Variants in EP400 observed in about 807,000 individuals in gnomAD.
The protein encoded by EP400 is E1A-binding protein p400.
Under a neutral mutation model 354.1 loss-of-function variants are expected in EP400, and 105 were observed. That is an observed-to-expected ratio of 0.30 (90% CI 0.25 to 0.35). The LOEUF is 0.35. Among genes scored for constraint, EP400 ranks in the 10% least tolerant of loss-of-function variants. The pLI is 1.00. For missense variants in EP400, 3,280 were observed against 4,121.0 expected, an observed-to-expected ratio of 0.80 and a Z score of 5.59; for synonymous variants, 1,646 against 1,716.9, an observed-to-expected ratio of 0.96 and a Z score of 1.02.
rs916759408 is a variant in EP400 at position 132,043,361 on chromosome 12, G to A, written c.6265G>A (p.Val2089Met). 11 of 1,613,974 alleles carry A rather than the reference G, an allele frequency of 6.8e-6. No individual in the cohort carries two copies. The African/African-American group carries it at 1.5e-4, about 22-fold the overall frequency. ...EDAQKSAQEG[V>M]LGPHTDALSS... Reference sequence around the variant, plus strand: ...TGCCCAGAAGTCCGCACAGGAGGGGGTGCTGGGACCACACACTGATGCTCT... The same window carrying A: ...TGCCCAGAAGTCCGCACAGGAGGGGATGCTGGGACCACACACTGATGCTCT... Residue 2089 changes from valine (V) to methionine (M), a missense_variant, in exon 33 of 53, where the codon GTG becomes ATG. Around this residue, in one of 20 missense-constraint regions of EP400, gnomAD observed 54 missense variants for 41.3 expected, o/e 1.31. Transcript: ENST00000389561.
In EP400 at chr12:131,982,159, A is replaced by G. The variant is rs1206096816; in HGVS notation, c.1610A>G (p.Asp537Gly). 6 of 1,601,544 alleles carry G rather than the reference A, an allele frequency of 3.7e-6. No individual in the cohort carries two copies. The highest frequency in any genetic ancestry group is 5.1e-6 in the Non-Finnish European group (6 of 1,171,480). ...CAGAGGCAGAGTCAGCAGCAGTATG[A>G]CCCCTCCACGGGGCCTCCCGTGCAG... is the stretch of plus-strand genomic sequence containing the variant. ...AGQRQSQQQY[D>G]PSTGPPVQNA... is the part of the protein sequence containing the mutation. The change falls in exon 5 of 53, where the codon GAC becomes GGC. Residue 537 changes from aspartate to glycine, a missense_variant. This residue lies in a region of EP400 where 800 missense variants were observed against 840.0 expected (regional missense o/e 0.95). Transcript: ENST00000389561.
rs369027468 is a variant in EP400, at chr12:132,025,051, CT to C, written c.4856-584del. On this transcript the variant is annotated intron_variant, in intron 24 of 52. Coordinates refer to ENST00000389561, the MANE Select transcript of EP400 (RefSeq NM_015409.5). This position sits in a 1 kb window ranked among gnomAD's most constrained non-coding sequence, Gnocchi z 4.1. ...GAAACGATTCAGTCTGGTTTACTTC[CT>C]TTTTTTTTTTCTTAAAACAAAACAA... Among the ~76,000 whole-genome samples, 348 of 147,534 alleles carry C rather than the reference CT, an allele frequency of 2.4e-3. 1 individual carries two copies. The highest frequency in any genetic ancestry group is 2.2e-3 in the African/African-American group (88 of 40,434).
At chr12:132,019,337 C>T (rs1019905893) in intron 21 of EP400, among the ~76,000 whole-genome samples, 54 of 152,270 alleles carry the variant, frequency 3.5e-4, no homozygotes, top group African/African-American at 1.3e-3. Flanking sequence ...ACCACACGCC[C>T]GGCCTAAAAA....
chr12:132,043,169 G>A (rs1049971621), intron 32 of EP400, 135 bp from the exon 33 acceptor site: 2 of 888,242 alleles, frequency 2.3e-6, no homozygotes, highest in East Asian at 5.6e-5. Context: ...CCTCAGGGAA[G>A]GAGTGGATTA....
At chr12:131,984,358 A>G (rs1199750307) in intron 5 of EP400, among the ~76,000 whole-genome samples, 2 of 152,170 alleles carry the variant, frequency 1.3e-5, no homozygotes, top group Non-Finnish European at 2.9e-5. Flanking sequence ...TTACCTGACA[A>G]CCTTATGAGG....
chr12:131,968,002 G>GT lies in EP400; in HGVS notation c.1335+6054dup, dbSNP rs1043673472. Reference sequence around the variant, plus strand: ...AAAATTCTTCACATAATATGGACATGTTTTTTGTCAGCTACATGTTTTGCA... The same window carrying GT: ...AAAATTCTTCACATAATATGGACATGTTTTTTTGTCAGCTACATGTTTTGCA... On this transcript the variant is annotated intron_variant, in intron 2 of 52. Transcript: ENST00000389561. 1.8e-4 allele frequency among the ~76,000 whole-genome samples: 27 copies of GT among 152,186 alleles called. No homozygotes were observed. The Middle Eastern group carries it at 0.031, about 173-fold the overall frequency.
chr12:131,977,384 C>T (rs943334611), intron 2 of EP400, among the ~76,000 whole-genome samples: 8 of 151,760 alleles, frequency 5.3e-5, no homozygotes, highest in Admixed American at 2.6e-4. Flanking sequence ...CCACCCACCT[C>T]GGCCTCCCAA....
chr12:131,974,387 A>G (rs1245761373), intron 2 of EP400, among the ~76,000 whole-genome samples: 1 of 152,156 alleles, frequency 6.6e-6, no homozygotes, highest in Non-Finnish European at 1.5e-5. Context: ...AAATGCTGGA[A>G]TTACAGGCAT....
chr12:132,065,974 A>T (rs1895877953), intron 48 of EP400: 1 of 152,218 alleles, frequency 6.6e-6, no homozygotes, highest in Middle Eastern at 3.2e-3. Flanking sequence ...AACATTTACA[A>T]AGTGATGAAT....
chr12:131,975,938 C>T lies in EP400; in HGVS notation c.1336-3756C>T, dbSNP rs79585627. On this transcript the variant is annotated intron_variant, in intron 2 of 52. Coordinates refer to ENST00000389561, the MANE Select transcript of EP400 (RefSeq NM_015409.5). ...CTGATTTTGAACTCCTGACCTCAAG[C>T]AGTCCTCTTGCCTTGACCTCCCAAA... Among the ~76,000 whole-genome samples, 170 of 152,236 alleles carry T rather than the reference C, an allele frequency of 1.1e-3. 5 individuals are homozygous for T. The East Asian group carries it at 0.03, about 27-fold the overall frequency.
chr12:131,958,691 G>C (rs1409020244), intron 1 of EP400, among the ~76,000 whole-genome samples: 3 of 152,010 alleles, frequency 2.0e-5, no homozygotes, highest in African/African-American at 7.2e-5. Context: ...GCTAATTTTT[G>C]TATTTTTCTT....
At chr12:132,003,313 A>C (rs533286868) in intron 12 of EP400, among the ~76,000 whole-genome samples, 1 of 152,302 alleles carries the variant, frequency 6.6e-6, no homozygotes, top group African/African-American at 2.4e-5. Flanking sequence ...TAGCATTCAC[A>C]TTGTATTAGG....
chr12:131,952,871 G>A (rs1222462635), intron 1 of EP400, among the ~76,000 whole-genome samples: 1 of 151,924 alleles, frequency 6.6e-6, no homozygotes, highest in East Asian at 1.9e-4. Context: ...TTTTTAATAA[G>A]GGTAACACAT....
In EP400 at chr12:132,006,177, A is replaced by T; in HGVS notation, c.3001A>T (p.Ile1001Phe). The T allele has an allele frequency of 6.2e-7, 1 of 1,614,190 alleles. No homozygotes were observed. The highest frequency in any genetic ancestry group is 8.5e-7 in the Non-Finnish European group (1 of 1,180,046). Residue 1001 changes from isoleucine to phenylalanine, a missense_variant, in exon 14 of 53, where the codon ATC becomes TTC. Physicochemically the swap from Ile to Phe is conservative, Grantham distance 21. Around this residue, in one of 20 missense-constraint regions of EP400, gnomAD observed 800 missense variants for 840.0 expected, o/e 0.95. Coordinates refer to ENST00000389561, the MANE Select transcript of EP400 (RefSeq NM_015409.5). ...KDLVLIDSLF[I>F]MDQFKAAERM... Reference sequence around the variant, plus strand: ...CTTGGTTCTCATCGACTCGCTTTTCATCATGGATCAGTTCAAAGCTGCCGA... The same window carrying T: ...CTTGGTTCTCATCGACTCGCTTTTCTTCATGGATCAGTTCAAAGCTGCCGA...
At position 132,013,633 on chromosome 12, in the gene EP400, A is replaced by G; in HGVS notation, c.3755A>G (p.Tyr1252Cys). ...LRAPSEESQD[Y>C]YHKVVIRLHR... ...GCCCCCAGTGAAGAGAGCCAGGATT[A>G]CTACCATAAAGTGGTCATAAGGTTA... Residue 1252 changes from tyrosine (Y) to cysteine (C), a missense_variant, in exon 18 of 53, where the codon TAC becomes TGC. By Grantham distance (194) the Tyr-to-Cys change is radical (BLOSUM62 -2). Around this residue, in one of 20 missense-constraint regions of EP400, gnomAD observed 242 missense variants for 357.9 expected, o/e 0.68. Transcript: ENST00000389561. This position sits in a 1 kb window ranked among gnomAD's most constrained non-coding sequence, Gnocchi z 4.5. 1 of 1,612,964 alleles carries G rather than the reference A, an allele frequency of 6.2e-7. No individual in the cohort carries two copies. The highest frequency in any genetic ancestry group is 8.5e-7 in the Non-Finnish European group (1 of 1,179,456).
chr12:132,051,290 C>T lies in EP400; in HGVS notation c.7394+635C>T, dbSNP rs149602432. Reference sequence around the variant, plus strand: ...TCTGTAGGCTCCAACCCTACAGGGTCGGTGGGTTTCTCCCCGTGTGCGGAG... The same window carrying T: ...TCTGTAGGCTCCAACCCTACAGGGTTGGTGGGTTTCTCCCCGTGTGCGGAG... On this transcript the variant is annotated intron_variant, in intron 41 of 52. Coordinates refer to ENST00000389561, the MANE Select transcript of EP400 (RefSeq NM_015409.5). Among the ~76,000 whole-genome samples, 339 of 152,192 alleles carry T rather than the reference C, an allele frequency of 2.2e-3. 4 individuals are homozygous for T. Among genetic ancestry groups the T allele is most frequent in the Non-Finnish European group, 2.8e-3 (193 of 67,996 alleles).
At chr12:132,022,812 C>T (rs1894164131) in intron 23 of EP400, among the ~76,000 whole-genome samples, 1 of 152,060 alleles carries the variant, frequency 6.6e-6, no homozygotes. Flanking sequence ...CCGTGGCTCA[C>T]ACCTGTAGGC....
chr12:132,049,700 A>G (rs1715864696), intron 39 of EP400, among the ~76,000 whole-genome samples: 1 of 152,210 alleles, frequency 6.6e-6, no homozygotes, highest in African/African-American at 2.4e-5. Context: ...TTGCACAGAC[A>G]GCATTCCTGG....
chr12:131,952,398 C>T (rs998076135), intron 1 of EP400, among the ~76,000 whole-genome samples: 6 of 151,708 alleles, frequency 4.0e-5, no homozygotes, highest in African/African-American at 4.8e-5. Flanking sequence ...CCACCCACTT[C>T]GGCCTCCCAA....
Sources: allele counts gnomAD v4.1 joint callset (sites outside exome capture counted in the v4.1 genomes callset), GRCh38; gene constraint gnomAD v4.1.1; regional missense constraint gnomAD v4.1.1; non-coding constraint Gnocchi (gnomAD v3.1); transcripts MANE v1.5; gene names NCBI Gene and HGNC (gene_info 2026-07-23, HGNC 2026-07-21).